Variants in GLIS1 observed in about 807,000 individuals in gnomAD.
GLIS1 encodes zinc finger protein GLIS1.
Under a neutral mutation model 63.8 loss-of-function variants are expected in GLIS1, and 24 were observed. The observed-to-expected ratio is 0.38, with a 90% CI of 0.27 to 0.53. GLIS1 has a LOEUF of 0.53. GLIS1 is among the 20% of genes least tolerant of loss of function. The pLI is 0.85. For missense variants in GLIS1, 1,036 were observed against 1,074.1 expected, an observed-to-expected ratio of 0.96 and a Z score of 0.50; for synonymous variants, 450 against 482.5, an observed-to-expected ratio of 0.93 and a Z score of 0.88.
chr1:53,645,180 C>G (rs1459659868), intron 2 of GLIS1, among the ~76,000 whole-genome samples: 3 of 152,216 alleles, frequency 2.0e-5, no homozygotes, highest in Admixed American at 1.3e-4. Flanking sequence ...TTCTCCCCCC[C>G]AGACATCTGC....
chr1:53,508,795 G>A (rs1419660136), intron 10 of GLIS1, among the ~76,000 whole-genome samples: 1 of 152,188 alleles, frequency 6.6e-6, no homozygotes, highest in African/African-American at 2.4e-5. Flanking sequence ...AGCTATGCCT[G>A]GCACACAGTA....
intron 4 of GLIS1, among the ~76,000 whole-genome samples, chr1:53,571,271 G>A (rs1214673515): frequency 6.6e-6 from 1 of 152,232 alleles, no homozygotes; most frequent in Non-Finnish European, 1.5e-5. Context: ...TAGAACCACA[G>A]GACTTCAATA....
At chr1:53,551,750 C>T (rs915113762) in intron 4 of GLIS1, among the ~76,000 whole-genome samples, 3 of 152,050 alleles carry the variant, frequency 2.0e-5, no homozygotes, top group African/African-American at 7.3e-5. Context: ...CATTCAAGGC[C>T]CCTGTGTCAG....
At chr1:53,648,478 C>T in intron 2 of GLIS1, among the ~76,000 whole-genome samples, 1 of 152,152 alleles carries the variant, frequency 6.6e-6, no homozygotes, top group East Asian at 1.9e-4. Flanking sequence ...ATGGTCACAT[C>T]CTATAGCTCA....
chr1:53,738,411 G>A (rs911642673), intron 1 of GLIS1, among the ~76,000 whole-genome samples: 1 of 152,172 alleles, frequency 6.6e-6, no homozygotes, highest in African/African-American at 2.4e-5. Context: ...TGCACGAATG[G>A]TGAAACTGAG....
At chr1:53,721,884 T>C (rs946131215) in intron 2 of GLIS1, among the ~76,000 whole-genome samples, 3 of 152,128 alleles carry the variant, frequency 2.0e-5, no homozygotes, top group Admixed American at 1.3e-4. Flanking sequence ...GACAGCAGAC[T>C]CATAAAAATA....
At chr1:53,707,879 T>C (rs1044345644) in intron 2 of GLIS1, among the ~76,000 whole-genome samples, 7 of 151,852 alleles carry the variant, frequency 4.6e-5, no homozygotes, top group Non-Finnish European at 1.0e-4. Flanking sequence ...AATGAGATAC[T>C]GGACAAAGAT....
chr1:53,638,440 G>A (rs1645750376), intron 2 of GLIS1, among the ~76,000 whole-genome samples: 1 of 152,160 alleles, frequency 6.6e-6, no homozygotes, highest in Admixed American at 6.5e-5. Flanking sequence ...ATGACGCAGA[G>A]ACCCACACAG....
chr1:53,517,882 G>A (rs1644368389), intron 7 of GLIS1, among the ~76,000 whole-genome samples: 1 of 152,200 alleles, frequency 6.6e-6, no homozygotes, highest in Non-Finnish European at 1.5e-5. Flanking sequence ...CCGAGTGTGT[G>A]AACTAGAGAT....
Position 53,600,254 on chromosome 1 carries a change from G to T in GLIS1, c.284C>A (p.Thr95Asn). 8.1e-7 allele frequency: 1 copy of T among 1,232,078 alleles called. No homozygotes were observed. Among genetic ancestry groups the T allele is most frequent in the Non-Finnish European group, 1.0e-6 (1 of 987,906 alleles). The allele number at this position is 1,232,078 out of a possible 1,614,324, so 76.3% of individuals were successfully genotyped here. A position where few individuals can be genotyped will look rare whatever the true frequency, so the allele number is the denominator to read the frequency against. Reference protein sequence around the residue: ...GKVNGSYGHRTPGSEKSLLDL... With the variant: ...GKVNGSYGHRNPGSEKSLLDL... The stretch of plus-strand genomic sequence containing the variant: ...CAGCAGGCTCTTCTCTGAGCCCGGG[G>T]TACGGTGTCCGTAGCTCCCATTCAC... Residue 95 changes from threonine to asparagine, a missense_variant, in exon 3 of 11, where the codon ACC becomes AAC. By Grantham distance (65) the Thr-to-Asn change is moderately conservative (BLOSUM62 0). Around this residue, in one of 3 missense-constraint regions of GLIS1, gnomAD observed 592 missense variants for 593.9 expected, o/e 1.00. Transcript: ENST00000628545.
intron 4 of GLIS1, among the ~76,000 whole-genome samples, chr1:53,552,613 C>T (rs1010973040): frequency 2.6e-5 from 4 of 152,176 alleles, no homozygotes; most frequent in South Asian, 2.1e-4. Context: ...CAAACATTCC[C>T]GTGGCCTAAT....
chr1:53,541,459 A>G (rs1379500564), intron 4 of GLIS1, among the ~76,000 whole-genome samples: 1 of 152,246 alleles, frequency 6.6e-6, no homozygotes, highest in Non-Finnish European at 1.5e-5. Flanking sequence ...TCTCACGGCC[A>G]TATGTGCATG....
At chr1:53,729,289 T>G (rs1646835457) in intron 2 of GLIS1, among the ~76,000 whole-genome samples, 1 of 152,190 alleles carries the variant, frequency 6.6e-6, no homozygotes, top group African/African-American at 2.4e-5. Flanking sequence ...TTTGAAATCA[T>G]CCGTTTGAAG....
intron 2 of GLIS1, among the ~76,000 whole-genome samples, chr1:53,703,349 G>A (rs576090017): frequency 2.0e-5 from 3 of 152,276 alleles, no homozygotes; most frequent in African/African-American, 7.2e-5. Context: ...TCAAAAGCAT[G>A]AGTCAGGCCA....
chr1:53,633,476 G>A (rs900867847), intron 2 of GLIS1, among the ~76,000 whole-genome samples: 1 of 144,972 alleles, frequency 6.9e-6, no homozygotes, highest in Non-Finnish European at 1.6e-5. Flanking sequence ...GTGGCTGAGG[G>A]GTGTGTGAAT....
At chr1:53,527,169 G>A (rs521604) in intron 5 of GLIS1, among the ~76,000 whole-genome samples, 23,117 of 152,256 alleles carry the variant, frequency 0.15, 3,652 homozygotes, top group East Asian at 0.5. Flanking sequence ...GGGAGGGAGC[G>A]TGTGCAGGCC....
chr1:53,522,986 C>CTTTTTTTTTTTTTTTTT (rs1553120127), intron 6 of GLIS1, among the ~76,000 whole-genome samples: 3 of 43,690 alleles, frequency 6.9e-5, no homozygotes, highest in African/African-American at 1.3e-4. Flanking sequence ...TCTTTTCTTT[C>CTTTTTTTTTTTTTTTTT]TTTTTTTTTT....
At chr1:53,728,355 T>C (rs1036211428) in intron 2 of GLIS1, among the ~76,000 whole-genome samples, 1 of 152,216 alleles carries the variant, frequency 6.6e-6, no homozygotes, top group Non-Finnish European at 1.5e-5. Flanking sequence ...CCAAGATTAA[T>C]TGAGCATTTA....
Position 53,506,646 on chromosome 1 carries a change from G to C in GLIS1, c.2361C>G (p.His787Gln). Residue 787 changes from histidine (H) to glutamine (Q), a missense_variant, in exon 11 of 11, where the codon CAC becomes CAG. Around this residue, in one of 3 missense-constraint regions of GLIS1, gnomAD observed 400 missense variants for 400.9 expected, o/e 1.00. Transcript: ENST00000628545. ...AGGTGTCTGTGTAGATGGAGGGGAT[G>C]TGGCCCAGGCAGTGGTCAAAGGCTC... ...PNGAFDHCLGHIPSIYTDT is the reference protein window; with the variant it reads ...PNGAFDHCLGQIPSIYTDT 10 of 1,583,996 alleles carry C rather than the reference G, an allele frequency of 6.3e-6. No individual in the cohort carries two copies. The highest frequency in any genetic ancestry group is 8.6e-6 in the Non-Finnish European group (10 of 1,165,412).
Sources: gnomAD v4.1 joint callset for allele counts (sites outside exome capture counted in the v4.1 genomes callset) on GRCh38, gnomAD v4.1.1 for gene constraint, gnomAD v4.1.1 regional missense constraint, MANE v1.5 for transcripts, NCBI Gene and HGNC (gene_info 2026-07-23, HGNC 2026-07-21) for gene names.